The following MANBA variants were observed in gnomAD, a reference collection of about 807,000 sequenced individuals.
The protein encoded by MANBA is beta-mannosidase.
In MANBA, 83 loss-of-function variants were observed where a neutral mutation model predicts 111.1. That is an observed-to-expected ratio of 0.75 (90% CI 0.63 to 0.90). The LOEUF (loss-of-function observed/expected upper bound fraction) is 0.90, where lower values mean the gene tolerates loss of function less well. Among genes scored for constraint, MANBA ranks in the 40% least tolerant of loss-of-function variants. The pLI, the probability that MANBA is intolerant of heterozygous loss-of-function variation, is 0.00. For missense variants in MANBA, 1,036 were observed against 1,069.0 expected, an observed-to-expected ratio of 0.97 and a Z score of 0.43; for synonymous variants, 370 against 378.7, an observed-to-expected ratio of 0.98 and a Z score of 0.27.
intron 5 of MANBA, among the ~76,000 whole-genome samples, chr4:102,691,763 CT>C (rs1381870547): frequency 5.9e-5 from 9 of 152,256 alleles, no homozygotes; most frequent in Non-Finnish European, 1.2e-4. Flanking sequence ...CAGCCTCTAC[CT>C]CCCAAAGCAC....
At chr4:102,722,817 GCCAGCACAC>G in intron 4 of MANBA, 45 bp downstream of exon 4, 1 of 1,552,644 alleles carries the variant, frequency 6.4e-7, no homozygotes, top group Non-Finnish European at 8.9e-7. Context: ...CATTTCATAT[GCCAGCACAC>G]CCCGTCCTCA....
chr4:102,657,682 C>T lies in MANBA; in HGVS notation c.1704G>A (p.Lys568=). The T allele has an allele frequency of 1.2e-6, 2 of 1,600,614 alleles. No homozygotes were observed. The highest frequency in any genetic ancestry group is 1.7e-6 in the Non-Finnish European group (2 of 1,167,870). ...ATTAGAAAATCAAACGATGACTTAC[C>T]TTTTCTAATGTACTGAAGGACGGCC... ...QSWPSFSTLE[K]VSSTEDWSFN... Residue 568 remains lysine, a splice_region_variant and synonymous_variant, in exon 12 of 17, where the codon AAG becomes AAA. Transcript: ENST00000647097.
intron 13 of MANBA, among the ~76,000 whole-genome samples, chr4:102,644,534 C>T (rs2110197892): frequency 6.6e-6 from 1 of 152,192 alleles, no homozygotes; most frequent in East Asian, 1.9e-4. Flanking sequence ...CAAACAAATA[C>T]TACATGATCT....
At chr4:102,749,188 T>G (rs1723696327) in intron 1 of MANBA, among the ~76,000 whole-genome samples, 1 of 152,038 alleles carries the variant, frequency 6.6e-6, no homozygotes, top group South Asian at 2.1e-4. Context: ...ATAGGTAAAA[T>G]AAGAGAAAGT....
intron 9 of MANBA, among the ~76,000 whole-genome samples, chr4:102,669,765 G>A (rs1731405061): frequency 6.6e-6 from 1 of 152,170 alleles, no homozygotes; most frequent in African/African-American, 2.4e-5. Flanking sequence ...CAGATCACGA[G>A]GTCAGGAGAT....
At chr4:102,735,746 A>C (rs1324992350) in intron 1 of MANBA, among the ~76,000 whole-genome samples, 2 of 152,192 alleles carry the variant, frequency 1.3e-5, no homozygotes, top group African/African-American at 4.8e-5. Flanking sequence ...TAAAACAAAT[A>C]AAAGTATCAT....
At chr4:102,650,781 A>C (rs948087842) in intron 12 of MANBA, 80 bp from the exon 13 acceptor site, 67 of 1,120,822 alleles carry the variant, frequency 6.0e-5, no homozygotes, top group Non-Finnish European at 1.2e-5. Flanking sequence ...ACAAACCTGG[A>C]AAGTATCCTA....
At chr4:102,695,045 C>G (rs1458469078) in intron 5 of MANBA, among the ~76,000 whole-genome samples, 1 of 152,124 alleles carries the variant, frequency 6.6e-6, no homozygotes, top group East Asian at 1.9e-4. Flanking sequence ...ACAAAGAGCA[C>G]AATGTGTCTG....
At chr4:102,742,961 C>T (rs1723460240) in intron 1 of MANBA, among the ~76,000 whole-genome samples, 1 of 152,168 alleles carries the variant, frequency 6.6e-6, no homozygotes, top group Non-Finnish European at 1.5e-5. Context: ...GAGTGGAAAT[C>T]CATGTTGCTG....
chr4:102,745,003 C>G (rs1723539068), intron 1 of MANBA, among the ~76,000 whole-genome samples: 2 of 152,066 alleles, frequency 1.3e-5, no homozygotes, highest in Admixed American at 6.6e-5. Context: ...GGGAAATGAC[C>G]ACAGGGTGGG....
At position 102,639,708 on chromosome 4, in the gene MANBA, C is replaced by T; in HGVS notation, c.2014+5G>A. The T allele has an allele frequency of 6.2e-7, 1 of 1,614,146 alleles. No individual in the cohort carries two copies. Among genetic ancestry groups the T allele is most frequent in the Non-Finnish European group, 8.5e-7 (1 of 1,180,000 alleles). ...CACTCGCACAAAGAACGCTGAAATG[C>T]TTACCAAGAGAAGCCCAGGAAGGAG... On this transcript the variant is annotated splice_donor_5th_base_variant and intron_variant, in intron 14 of 16. Coordinates refer to ENST00000647097, the MANE Select transcript of MANBA (RefSeq NM_005908.4).
chr4:102,679,926 T>TAAA (rs201793469), intron 7 of MANBA, among the ~76,000 whole-genome samples: 1 of 140,014 alleles, frequency 7.1e-6, no homozygotes. Flanking sequence ...CTCTGAGGTA[T>TAAA]AAAAAAAAAA....
intron 5 of MANBA, among the ~76,000 whole-genome samples, chr4:102,695,366 C>T (rs753528022): frequency 1.2e-4 from 19 of 152,290 alleles, no homozygotes; most frequent in Non-Finnish European, 2.5e-4. Flanking sequence ...AGTTACATTA[C>T]TTCAAGTTTG....
At chr4:102,727,809 G>T in intron 1 of MANBA, 1 of 643,248 alleles carries the variant, frequency 1.6e-6, no homozygotes, top group South Asian at 1.7e-5. Flanking sequence ...ACATTCTGAT[G>T]GAGAAATACT....
At chr4:102,650,389 C>A in intron 13 of MANBA, 148 bp downstream of exon 13, 1 of 798,122 alleles carries the variant, frequency 1.3e-6, no homozygotes, top group Non-Finnish European at 2.0e-6. Context: ...TCCTATGTGT[C>A]ATCATATATG....
chr4:102,673,686 A>C (rs1023363560), intron 8 of MANBA, among the ~76,000 whole-genome samples: 1 of 152,218 alleles, frequency 6.6e-6, no homozygotes, highest in Admixed American at 6.5e-5. Context: ...TTTTCTAAAA[A>C]TCGAATGGCT....
chr4:102,753,139 T>C (rs1560816144), intron 1 of MANBA, among the ~76,000 whole-genome samples: 1 of 152,156 alleles, frequency 6.6e-6, no homozygotes, highest in Non-Finnish European at 1.5e-5. Context: ...CCTGGATCTA[T>C]ATTTACAGAC....
At chr4:102,744,381 A>C (rs1359038855) in intron 1 of MANBA, among the ~76,000 whole-genome samples, 2 of 152,186 alleles carry the variant, frequency 1.3e-5, no homozygotes, top group South Asian at 2.1e-4. Flanking sequence ...TAATGTCATC[A>C]ATGTAATGGA....
chr4:102,752,688 T>C (rs1723854908), intron 1 of MANBA: 1 of 482,734 alleles, frequency 2.1e-6, no homozygotes, highest in Non-Finnish European at 4.2e-6. Context: ...CAAATGAACT[T>C]GGTAGAAAAT....
Sources: gnomAD v4.1 joint callset for allele counts (sites outside exome capture counted in the v4.1 genomes callset) on GRCh38, gnomAD v4.1.1 for gene constraint, MANE v1.5 for transcripts, NCBI Gene and HGNC (gene_info 2026-07-23, HGNC 2026-07-21) for gene names.